The following FAM204A variants were observed in gnomAD, a reference collection of about 807,000 sequenced individuals.
FAM204A encodes the protein protein FAM204A.
In FAM204A, 16 loss-of-function variants were observed where a neutral mutation model predicts 35.4. That is an observed-to-expected ratio of 0.45 (90% CI 0.31 to 0.69). FAM204A has a LOEUF of 0.69. Among genes scored for constraint, FAM204A ranks in the 30% least tolerant of loss-of-function variants. The pLI is 0.07. For synonymous variants in FAM204A, 76 were observed against 86.9 expected, an observed-to-expected ratio of 0.88 and a Z score of 0.70; for missense variants, 240 against 265.7, an observed-to-expected ratio of 0.90 and a Z score of 0.67.
Position 118,299,392 on chromosome 10 carries a change from T to TTTTTTG in FAM204A, c.*11464_*11465insCAAAAA, listed in dbSNP as rs1845783593. On this transcript the variant is annotated 3_prime_UTR_variant, in exon 9 of 9. Coordinates refer to ENST00000369183, the MANE Select transcript of FAM204A (RefSeq NM_022063.3). ...CCTCCTCCTTTCTGCTTCCAGAAGG[T>TTTTTTG]TTTTTTTTTTTTTTTTTTTTTGAGA... 2 of 55,438 alleles carry TTTTTTG rather than the reference T, an allele frequency of 3.6e-5. No individual in the cohort carries two copies. The highest frequency in any genetic ancestry group is 4.9e-4 in the South Asian group (1 of 2,040). 3.4% of individuals were successfully genotyped at this position (55,438 alleles called of 1,614,324 possible). A position where few individuals can be genotyped will look rare whatever the true frequency, so the allele number is the denominator to read the frequency against.
rs768713827 is a variant in FAM204A, at chr10:118,308,214, C to G, written c.*2643G>C. The G allele has an allele frequency of 6.6e-6, 1 of 152,156 alleles. No homozygotes were observed. The highest frequency in any genetic ancestry group is 2.4e-5 in the African/African-American group (1 of 41,438). 9.4% of individuals were successfully genotyped at this position (152,156 alleles called of 1,614,324 possible). A position where few individuals can be genotyped will look rare whatever the true frequency, so the allele number is the denominator to read the frequency against. On this transcript the variant is annotated 3_prime_UTR_variant, in exon 9 of 9. Transcript: ENST00000369183. The stretch of plus-strand genomic sequence containing the variant: ...CATAGTTACATTAATGCCATACCAA[C>G]GGCCTGAAACATATTAATCTCAGTT...
At chr10:118,342,123 C>T (rs1194747471) in intron 1 of FAM204A, 147 bp downstream of exon 1, 2 of 152,314 alleles carry the variant, frequency 1.3e-5, no homozygotes, top group Non-Finnish European at 2.9e-5. Context: ...GGGCCGGGGG[C>T]TTTTCTAGCC....
intron 7 of FAM204A, among the ~76,000 whole-genome samples, chr10:118,320,167 C>T (rs949356146): frequency 1.3e-4 from 19 of 149,212 alleles, no homozygotes; most frequent in South Asian, 2.1e-4. Context: ...TCTAAGTAAT[C>T]GGTAGTAAGC....
rs1226330646 is a variant in FAM204A at position 118,335,973 on chromosome 10, T to C, written c.234+209A>G. ...TACATAGTGGTTTGGGTTTTTTTTT[T>C]TTCCCCCTCCGTCTTTCTATGAAAA... On this transcript the variant is annotated intron_variant, in intron 3 of 8. Coordinates refer to ENST00000369183, the MANE Select transcript of FAM204A (RefSeq NM_022063.3). 12 of 583,630 alleles carry C rather than the reference T, an allele frequency of 2.1e-5. No individual in the cohort carries two copies. The Admixed American group carries it at 2.1e-4, about 10-fold the overall frequency. 36.2% of individuals were successfully genotyped at this position (583,630 alleles called of 1,614,324 possible). A position where few individuals can be genotyped will look rare whatever the true frequency, so the allele number is the denominator to read the frequency against.
intron 6 of FAM204A, among the ~76,000 whole-genome samples, chr10:118,332,238 T>C (rs970182322): frequency 2.1e-5 from 3 of 143,594 alleles, no homozygotes; most frequent in Non-Finnish European, 4.6e-5. Context: ...AATCTAGATT[T>C]GGGACCAAAT....
intron 8 of FAM204A, 138 bp downstream of exon 8, chr10:118,311,063 CTATATT>C (rs1356970626): frequency 1.5e-5 from 15 of 1,026,634 alleles, no homozygotes; most frequent in Admixed American, 5.1e-5. Flanking sequence ...AGAAATGCCT[CTATATT>C]TATAATCTGA....
chr10:118,326,109 T>G, intron 7 of FAM204A, 45 bp downstream of exon 7: 2 of 1,443,064 alleles, frequency 1.4e-6, no homozygotes, highest in Non-Finnish European at 1.9e-6. Flanking sequence ...AAATTTATTC[T>G]AGAAAATTTG....
rs1845887969 is a variant in FAM204A, at chr10:118,307,767, G to T, written c.*3090C>A. 1 of 152,126 alleles carries T rather than the reference G, an allele frequency of 6.6e-6. No individual in the cohort carries two copies. The highest frequency in any genetic ancestry group is 2.4e-5 in the African/African-American group (1 of 41,422). The allele number at this position is 152,126 out of a possible 1,614,324, so 9.4% of individuals were successfully genotyped here. On this transcript the variant is annotated 3_prime_UTR_variant, in exon 9 of 9. Coordinates refer to ENST00000369183, the MANE Select transcript of FAM204A (RefSeq NM_022063.3). ...TAAAAGATAATATTTTAGACAAAAGGTATAAAGAAAATCAGAAGATTTTAA... is the reference window on the plus strand; with the variant it reads ...TAAAAGATAATATTTTAGACAAAAGTTATAAAGAAAATCAGAAGATTTTAA...
intron 7 of FAM204A, among the ~76,000 whole-genome samples, chr10:118,313,141 T>C (rs1363548169): frequency 6.6e-6 from 1 of 152,098 alleles, no homozygotes; most frequent in African/African-American, 2.4e-5. Context: ...AACTATCCAT[T>C]TGTCATACAT....
At chr10:118,341,376 G>A (rs1379102934) in intron 2 of FAM204A, among the ~76,000 whole-genome samples, 1 of 152,154 alleles carries the variant, frequency 6.6e-6, no homozygotes, top group Non-Finnish European at 1.5e-5. Flanking sequence ...TCTGAAGATT[G>A]TAATTTACAT....
intron 7 of FAM204A, among the ~76,000 whole-genome samples, chr10:118,325,146 A>G (rs1170582263): frequency 6.6e-6 from 1 of 152,122 alleles, no homozygotes; most frequent in Non-Finnish European, 1.5e-5. Flanking sequence ...AAAATTCACA[A>G]GATACTTAAA....
chr10:118,316,989 T>C (rs192960179), intron 7 of FAM204A, among the ~76,000 whole-genome samples: 4 of 152,248 alleles, frequency 2.6e-5, no homozygotes, highest in Admixed American at 2.6e-4. Flanking sequence ...AGCTGTTAGA[T>C]GCTTTACACA....
At chr10:118,322,379 T>A in intron 7 of FAM204A, 2 of 456,222 alleles carry the variant, frequency 4.4e-6, no homozygotes, top group Non-Finnish European at 8.8e-6. Flanking sequence ...TCGCTGACAC[T>A]GAGAAACACA....
chr10:118,299,840 C>A lies in FAM204A; in HGVS notation c.*11017G>T, dbSNP rs1237262573. The A allele has an allele frequency of 6.6e-6, 1 of 152,204 alleles. No individual in the cohort carries two copies. Among genetic ancestry groups the A allele is most frequent in the East Asian group, 1.9e-4 (1 of 5,202 alleles). The allele number at this position is 152,204 out of a possible 1,614,324, so 9.4% of individuals were successfully genotyped here. A position where few individuals can be genotyped will look rare whatever the true frequency, so the allele number is the denominator to read the frequency against. On this transcript the variant is annotated 3_prime_UTR_variant, in exon 9 of 9. Coordinates refer to ENST00000369183, the MANE Select transcript of FAM204A (RefSeq NM_022063.3). ...ATTACAAGCATGATCAATAAGACTG[C>A]ATGAACCTATTTTTACTAACAATTT... is the stretch of plus-strand genomic sequence containing the variant.
intron 6 of FAM204A, among the ~76,000 whole-genome samples, chr10:118,328,933 T>C (rs535550721): frequency 1.2e-4 from 18 of 152,346 alleles, no homozygotes; most frequent in African/African-American, 4.1e-4. Flanking sequence ...TCAATTACTT[T>C]CTATGAGCTG....
chr10:118,315,820 G>A (rs1363108076), intron 7 of FAM204A, among the ~76,000 whole-genome samples: 7 of 152,046 alleles, frequency 4.6e-5, no homozygotes, highest in African/African-American at 9.7e-5. Flanking sequence ...TCTGGGAGCC[G>A]AACATGGTGC....
In FAM204A at chr10:118,306,568, C is replaced by A. The variant is rs1373465938; in HGVS notation, c.*4289G>T. 6.6e-6 allele frequency: 1 copy of A among 152,180 alleles called. No individual in the cohort carries two copies. The highest frequency in any genetic ancestry group is 1.5e-5 in the Non-Finnish European group (1 of 68,030). The allele number at this position is 152,180 out of a possible 1,614,324, so 9.4% of individuals were successfully genotyped here. On this transcript the variant is annotated 3_prime_UTR_variant, in exon 9 of 9. Coordinates refer to ENST00000369183, the MANE Select transcript of FAM204A (RefSeq NM_022063.3). ...GCATGGCATTTAATAAACTATCTCC[C>A]AGAAGCCTATAGCTGTGTTCCAGGG...
chr10:118,299,946 T>G lies in FAM204A; in HGVS notation c.*10911A>C, dbSNP rs1845791317. 6.6e-6 allele frequency: 1 copy of G among 152,238 alleles called. No homozygotes were observed. The allele number at this position is 152,238 out of a possible 1,614,324, so 9.4% of individuals were successfully genotyped here. On this transcript the variant is annotated 3_prime_UTR_variant, in exon 9 of 9. Transcript: ENST00000369183. ...CTTGAATTGCTTTAATCCTTTGCTATCCCTAAATCACAAGTAGATTGGAAG... is the reference window on the plus strand; with the variant it reads ...CTTGAATTGCTTTAATCCTTTGCTAGCCCTAAATCACAAGTAGATTGGAAG...
intron 2 of FAM204A, among the ~76,000 whole-genome samples, chr10:118,339,159 A>T (rs1846433740): frequency 6.6e-6 from 1 of 152,198 alleles, no homozygotes; most frequent in South Asian, 2.1e-4. Flanking sequence ...CTCTCAAAAA[A>T]ACAAATACAA....
Sources: gnomAD v4.1 joint callset for allele counts (sites outside exome capture counted in the v4.1 genomes callset) on GRCh38, gnomAD v4.1.1 for gene constraint, MANE v1.5 for transcripts, NCBI Gene and HGNC (gene_info 2026-07-23, HGNC 2026-07-21) for gene names.